Variants in PRUNE2 observed in about 807,000 individuals in gnomAD.
The protein encoded by PRUNE2 is protein prune homolog 2.
PRUNE2 carries 164 observed loss-of-function variants against 252.0 expected under a neutral mutation model. That is an observed-to-expected ratio of 0.65 (90% CI 0.57 to 0.74). PRUNE2 has a LOEUF of 0.74. PRUNE2 is among the 30% of genes least tolerant of loss of function. The pLI is 0.00. For synonymous variants in PRUNE2, 1,292 were observed against 1,350.2 expected (o/e 0.96, Z 0.94); for missense variants, 3,495 against 3,711.0 (o/e 0.94, Z 1.51).
intron 1 of PRUNE2, among the ~76,000 whole-genome samples, chr9:76,883,251 C>T (rs2061896654): frequency 6.6e-6 from 1 of 152,146 alleles, no homozygotes; most frequent in African/African-American, 2.4e-5. Context: ...TAGAAAAAAC[C>T]TCGAGTCGTC....
chr9:76,677,335 C>T (rs2042776117), intron 9 of PRUNE2, among the ~76,000 whole-genome samples: 1 of 152,126 alleles, frequency 6.6e-6, no homozygotes, highest in Non-Finnish European at 1.5e-5. Context: ...AAAAAAGAAA[C>T]TCCTTGATTT....
intron 6 of PRUNE2, among the ~76,000 whole-genome samples, chr9:76,807,051 T>TGTGTGTGCGCAA (rs60768420): frequency 7.2e-6 from 1 of 139,338 alleles, no homozygotes; most frequent in Non-Finnish European, 1.6e-5. Context: ...TGTGTGTGTG[T>TGTGTGTGCGCAA]GCGCGCGCGC....
intron 10 of PRUNE2, among the ~76,000 whole-genome samples, chr9:76,655,022 CTTGGTT>C (rs1276463901): frequency 6.6e-6 from 1 of 152,078 alleles, no homozygotes; most frequent in African/African-American, 2.4e-5. Context: ...TTGTTGTTGT[CTTGGTT>C]TTGGTTTTGA....
At chr9:76,718,035 C>T (rs983384882) in intron 6 of PRUNE2, among the ~76,000 whole-genome samples, 2 of 152,138 alleles carry the variant, frequency 1.3e-5, no homozygotes, top group Non-Finnish European at 2.9e-5. Context: ...AGTTGATGCT[C>T]ATTATAACCC....
intron 1 of PRUNE2, among the ~76,000 whole-genome samples, chr9:76,879,064 C>T (rs949972474): frequency 3.3e-5 from 5 of 152,166 alleles, no homozygotes; most frequent in African/African-American, 1.2e-4. Context: ...CATAGGAAAG[C>T]ATTTTCCAAA....
At chr9:76,782,444 A>C (rs549279087) in intron 6 of PRUNE2, among the ~76,000 whole-genome samples, 91 of 152,270 alleles carry the variant, frequency 6.0e-4, no homozygotes, top group Non-Finnish European at 1.2e-3. Context: ...CAGCCTTGGG[A>C]AAGTTATTCT....
At chr9:76,854,387 G>A (rs1040538125) in intron 1 of PRUNE2, among the ~76,000 whole-genome samples, 179 bp from the exon 2 acceptor site, 2 of 152,190 alleles carry the variant, frequency 1.3e-5, no homozygotes, top group Admixed American at 1.3e-4. Context: ...TTAACACTCT[G>A]AAATATTCAC....
At position 76,614,108 on chromosome 9, in the gene PRUNE2, G is replaced by C. The variant is rs1425286; in HGVS notation, c.*462C>G. The stretch of plus-strand genomic sequence containing the variant: ...TTGTGGCTGTCCTAGTCAGGCTTAG[G>C]ATTTTAAAGGTGGAGTCAAACAGGG... On this transcript the variant is annotated 3_prime_UTR_variant, in exon 19 of 19. Transcript: ENST00000376718. The C allele has an allele frequency of 0.078, 12,350 of 157,908 alleles. 574 individuals carry two copies. Among genetic ancestry groups the C allele is most frequent in the South Asian group, 0.2 (1,069 of 5,268 alleles). 9.8% of individuals were successfully genotyped at this position (157,908 alleles called of 1,614,324 possible). A position where few individuals can be genotyped will look rare whatever the true frequency, so the allele number is the denominator to read the frequency against.
intron 9 of PRUNE2, among the ~76,000 whole-genome samples, chr9:76,698,794 A>G (rs1453814615): frequency 1.3e-5 from 2 of 152,240 alleles, no homozygotes; most frequent in African/African-American, 2.4e-5. Flanking sequence ...TCTTTTCTAC[A>G]ATGTTATCAG....
intron 6 of PRUNE2, among the ~76,000 whole-genome samples, chr9:76,789,865 AG>A (rs1244388304): frequency 1.3e-5 from 2 of 152,078 alleles, no homozygotes; most frequent in Non-Finnish European, 2.9e-5. Context: ...TCAGATATGG[AG>A]GGGCTGGGCA....
intron 4 of PRUNE2, among the ~76,000 whole-genome samples, chr9:76,829,679 A>G (rs773100514): frequency 4.1e-4 from 62 of 152,292 alleles, no homozygotes; most frequent in Non-Finnish European, 7.6e-4. Flanking sequence ...AGGGTGAAGC[A>G]AAAATGGATC....
intron 17 of PRUNE2, among the ~76,000 whole-genome samples, chr9:76,619,595 A>C (rs1211382818): frequency 6.6e-6 from 1 of 152,246 alleles, no homozygotes; most frequent in Non-Finnish European, 1.5e-5. Context: ...ATAAAAACAC[A>C]AAGCAAAGAT....
chr9:76,680,149 C>T (rs1203413661), intron 9 of PRUNE2, among the ~76,000 whole-genome samples: 1 of 152,038 alleles, frequency 6.6e-6, no homozygotes, highest in Non-Finnish European at 1.5e-5. Context: ...ACTCCTGAAA[C>T]CCAACAACAA....
chr9:76,668,770 T>C (rs2040716582), intron 9 of PRUNE2, among the ~76,000 whole-genome samples: 1 of 151,880 alleles, frequency 6.6e-6, no homozygotes, highest in Non-Finnish European at 1.5e-5. Flanking sequence ...CTCCTGGCAC[T>C]GCCTCTGGCT....
intron 6 of PRUNE2, among the ~76,000 whole-genome samples, chr9:76,818,688 A>G (rs967562846): frequency 4.6e-5 from 7 of 152,210 alleles, no homozygotes; most frequent in African/African-American, 1.7e-4. Flanking sequence ...AACAGCTGAA[A>G]GTCCTCACCG....
chr9:76,806,970 G>A (rs1310319795), intron 6 of PRUNE2, among the ~76,000 whole-genome samples: 1 of 151,830 alleles, frequency 6.6e-6, no homozygotes, highest in Non-Finnish European at 1.5e-5. Flanking sequence ...GTGTCAGAGC[G>A]AAGACTCCAA....
chr9:76,705,106 C>T lies in PRUNE2; in HGVS notation c.7168G>A (p.Ala2390Thr). 2 of 1,613,966 alleles carry T rather than the reference C, an allele frequency of 1.2e-6. No homozygotes were observed. The highest frequency in any genetic ancestry group is 2.2e-5 in the South Asian group (2 of 91,076). ...LEEDSLKQSL[A>T]PYTPPFDLSY... The stretch of plus-strand genomic sequence containing the variant: ...AAATCAAAGGGAGGTGTGTACGGTG[C>T]CAGCGACTGCTTCAGAGAATCTTCC... The change falls in exon 8 of 19, where the codon GCA (alanine) becomes ACA (threonine). Residue 2390 changes from alanine to threonine, a missense_variant. Physicochemically the swap from Ala to Thr is moderately conservative, Grantham distance 58 (BLOSUM62 0). Transcript: ENST00000376718.
At chr9:76,886,147 C>T (rs993348416) in intron 1 of PRUNE2, among the ~76,000 whole-genome samples, 2 of 150,574 alleles carry the variant, frequency 1.3e-5, no homozygotes, top group African/African-American at 4.9e-5. Context: ...GATCGTGCCA[C>T]TGCACTCCAG....
At position 76,652,651 on chromosome 9, in the gene PRUNE2, G is replaced by A; in HGVS notation, c.8389C>T (p.His2797Tyr). 1 of 1,612,562 alleles carries A rather than the reference G, an allele frequency of 6.2e-7. No homozygotes were observed. Among genetic ancestry groups the A allele is most frequent in the Non-Finnish European group, 8.5e-7 (1 of 1,178,736 alleles). ...GCTGTGAGCTTGATTCTCCGAGGATGAGTGTCATTAAGATCCAGAGAATTA... is the reference window on the plus strand; with the variant it reads ...GCTGTGAGCTTGATTCTCCGAGGATAAGTGTCATTAAGATCCAGAGAATTA... ...PPNSLDLNDT[H>Y]PRRIKLTAPN... Residue 2797 changes from histidine (H) to tyrosine (Y), a missense_variant, in exon 11 of 19, where the codon CAT (histidine) becomes TAT (tyrosine). Physicochemically the swap from His to Tyr is moderately conservative, Grantham distance 83 (BLOSUM62 2). Coordinates refer to ENST00000376718, the MANE Select transcript of PRUNE2 (RefSeq NM_015225.3).
Sources: allele counts gnomAD v4.1 joint callset (sites outside exome capture counted in the v4.1 genomes callset), GRCh38; gene constraint gnomAD v4.1.1; transcripts MANE v1.5; gene names NCBI Gene and HGNC (gene_info 2026-07-23, HGNC 2026-07-21).